The following DEFB131B variants were observed in gnomAD, a reference collection of about 807,000 sequenced individuals.
The protein encoded by DEFB131B is beta-defensin 131B.
In DEFB131B, 2 loss-of-function variants were observed where a neutral mutation model predicts 2.1. That is an observed-to-expected ratio of 0.94 (90% CI 0.38 to 2.95). The LOEUF (loss-of-function observed/expected upper bound fraction) is 2.95. DEFB131B is among the 30% of genes most tolerant of loss of function. The pLI is 0.09. For synonymous variants in DEFB131B, 26 were observed against 25.8 expected, an observed-to-expected ratio of 1.01 and a Z score of -0.03; for missense variants, 77 against 78.5, an observed-to-expected ratio of 0.98 and a Z score of 0.07.
chr11:71,880,188 C>T (rs1305610369), intron 1 of DEFB131B, among the ~76,000 whole-genome samples: 4 of 151,936 alleles, frequency 2.6e-5, no homozygotes, highest in African/African-American at 4.8e-5. Flanking sequence ...CAGGTATAAA[C>T]CACAGTTTAA....
Position 71,878,827 on chromosome 11 carries a change from C to CA in DEFB131B, c.58+331dup, listed in dbSNP as rs201809792. Among the ~76,000 whole-genome samples, 365 of 120,112 alleles carry CA rather than the reference C, an allele frequency of 3.0e-3. 4 individuals carry two copies. The highest frequency in any genetic ancestry group is 0.027 in the South Asian group (104 of 3,862). 78.8% of individuals were successfully genotyped at this position (120,112 alleles called of 152,430 possible). A position where few individuals can be genotyped will look rare whatever the true frequency, so the allele number is the denominator to read the frequency against. The stretch of plus-strand genomic sequence containing the variant: ...GCAACAGGGTGAAACCCCATCTCTA[C>CA]AAAAAAAAAAAAAATACAAAAAATT... On this transcript the variant is annotated intron_variant, in intron 1 of 1. Transcript: ENST00000530210.
intron 1 of DEFB131B, among the ~76,000 whole-genome samples, chr11:71,878,854 G>A (rs1035356550): frequency 6.6e-6 from 1 of 151,830 alleles, no homozygotes; most frequent in African/African-American, 2.4e-5. Flanking sequence ...CAAAAAATTA[G>A]TCAGGTATAG....
intron 1 of DEFB131B, among the ~76,000 whole-genome samples, chr11:71,880,972 G>A (rs1952557620): frequency 6.6e-6 from 1 of 152,224 alleles, no homozygotes; most frequent in African/African-American, 2.4e-5. Flanking sequence ...ATGAGGAGAA[G>A]AATGTGTACT....
chr11:71,882,274 T>A (rs1042473688), intron 1 of DEFB131B, among the ~76,000 whole-genome samples: 138 of 152,098 alleles, frequency 9.1e-4, no homozygotes, highest in Non-Finnish European at 1.5e-3. Context: ...CTTTTTTTTT[T>A]AGACAGAGTC....
At chr11:71,883,255 T>C (rs969897623) in intron 1 of DEFB131B, among the ~76,000 whole-genome samples, 5 of 152,144 alleles carry the variant, frequency 3.3e-5, no homozygotes, top group African/African-American at 1.2e-4. Flanking sequence ...TTAAAATTCA[T>C]ATAAAACCAC....
At chr11:71,881,207 TAC>T (rs1373503913) in intron 1 of DEFB131B, among the ~76,000 whole-genome samples, 1 of 152,210 alleles carries the variant, frequency 6.6e-6, no homozygotes, top group Non-Finnish European at 1.5e-5. Context: ...TACATATATA[TAC>T]ATATTTGGAA....
chr11:71,880,167 A>G (rs567949000), intron 1 of DEFB131B, among the ~76,000 whole-genome samples: 10 of 152,324 alleles, frequency 6.6e-5, no homozygotes, highest in African/African-American at 2.2e-4. Context: ...GTCAATTGAT[A>G]ATCTAAATCT....
At chr11:71,882,961 C>T (rs1952582714) in intron 1 of DEFB131B, among the ~76,000 whole-genome samples, 1 of 151,922 alleles carries the variant, frequency 6.6e-6, no homozygotes, top group South Asian at 2.1e-4. Context: ...TAACAGCAAG[C>T]AACTGGAAAG....
At chr11:71,879,232 G>T in intron 1 of DEFB131B, among the ~76,000 whole-genome samples, 1 of 152,098 alleles carries the variant, frequency 6.6e-6, no homozygotes, top group East Asian at 1.9e-4. Context: ...TTCCTTTAAA[G>T]TTGAATAAAA....
At chr11:71,879,690 T>TC (rs1427757216) in intron 1 of DEFB131B, among the ~76,000 whole-genome samples, 1 of 152,106 alleles carries the variant, frequency 6.6e-6, no homozygotes, top group Non-Finnish European at 1.5e-5. Flanking sequence ...TTCTTAAAAT[T>TC]GTGCACCCCT....
chr11:71,884,433 T>A lies in DEFB131B; in HGVS notation c.85T>A (p.Cys29Ser), dbSNP rs745817472. 1 of 1,600,992 alleles carries A rather than the reference T, an allele frequency of 6.2e-7. No homozygotes were observed. The highest frequency in any genetic ancestry group is 8.5e-7 in the Non-Finnish European group (1 of 1,172,820). ...CAGAAGCTTCACTTCTAATGATGAA[T>A]GTCCTTCAGAATATTATCATTGCAG... ...PTRSFTSNDE[C>S]PSEYYHCRLK... Residue 29 changes from cysteine (C) to serine (S), a missense_variant, in exon 2 of 2, where the codon TGT becomes AGT. Transcript: ENST00000530210.
intron 1 of DEFB131B, among the ~76,000 whole-genome samples, chr11:71,883,281 G>A (rs1261986456): frequency 6.6e-6 from 1 of 152,066 alleles, no homozygotes; most frequent in Non-Finnish European, 1.5e-5. Flanking sequence ...ACCCAGAATA[G>A]TCAAAACAAT....
rs181518865 is a variant in DEFB131B, at chr11:71,883,345, A to T, written c.59-1062A>T. ...ACATTTTCTAATTTCAAAATGTATTATAAAGATAGAGTAATCAAAACTGTG... is the reference window on the plus strand; with the variant it reads ...ACATTTTCTAATTTCAAAATGTATTTTAAAGATAGAGTAATCAAAACTGTG... On this transcript the variant is annotated intron_variant, in intron 1 of 1. Coordinates refer to ENST00000530210, the MANE Select transcript of DEFB131B (RefSeq NM_001242853.1). Among the ~76,000 whole-genome samples the T allele has an allele frequency of 5.0e-4, 76 of 152,348 alleles. 1 individual carries two copies. In the East Asian group the frequency reaches 9.8e-3, roughly 20 times the overall value.
chr11:71,880,477 T>G (rs559131485), intron 1 of DEFB131B, among the ~76,000 whole-genome samples: 38 of 152,316 alleles, frequency 2.5e-4, no homozygotes, highest in Non-Finnish European at 4.6e-4. Context: ...ACTTTTTGTT[T>G]CATTAATTCT....
intron 1 of DEFB131B, among the ~76,000 whole-genome samples, chr11:71,879,747 C>T (rs1201903085): frequency 6.6e-6 from 1 of 152,070 alleles, no homozygotes; most frequent in Non-Finnish European, 1.5e-5. Flanking sequence ...AAGAAGAAAT[C>T]TCTCCTCCTC....
At chr11:71,883,310 TA>T (rs1326870932) in intron 1 of DEFB131B, among the ~76,000 whole-genome samples, 14 of 152,088 alleles carry the variant, frequency 9.2e-5, no homozygotes, top group Admixed American at 2.6e-4. Context: ...AAAACAAAGC[TA>T]GGGGCATCAC....
intron 1 of DEFB131B, among the ~76,000 whole-genome samples, chr11:71,879,913 T>C (rs1453508844): frequency 6.6e-6 from 1 of 152,202 alleles, no homozygotes; most frequent in Non-Finnish European, 1.5e-5. Context: ...GTGGCATAGA[T>C]TCGTACTTCA....
At chr11:71,882,093 C>T (rs1952567710) in intron 1 of DEFB131B, among the ~76,000 whole-genome samples, 1 of 151,572 alleles carries the variant, frequency 6.6e-6, no homozygotes, top group Admixed American at 6.6e-5. Flanking sequence ...AAAAGAAAAT[C>T]TTAAAAGAAG....
chr11:71,882,211 GT>G (rs1458386683), intron 1 of DEFB131B, among the ~76,000 whole-genome samples: 1 of 142,228 alleles, frequency 7.0e-6, no homozygotes, highest in East Asian at 2.0e-4. Flanking sequence ...TATTTAAAAT[GT>G]TAAAAAAAAA....
Sources: gnomAD v4.1 joint callset for allele counts (sites outside exome capture counted in the v4.1 genomes callset) on GRCh38, gnomAD v4.1.1 for gene constraint, MANE v1.5 for transcripts, NCBI Gene and HGNC (gene_info 2026-07-23, HGNC 2026-07-21) for gene names.